VRK2: variants seen among roughly 807,000 people sequenced by gnomAD.
The protein encoded by VRK2 is VRK serine/threonine kinase 2.
In VRK2, 60 loss-of-function variants were observed where a neutral mutation model predicts 57.6. That is an observed-to-expected ratio of 1.04 (90% CI 0.85 to 1.29). The LOEUF is 1.29. Ranked by LOEUF, VRK2 falls within the 50% of genes most tolerant of loss-of-function variation. The pLI is 0.00. For synonymous variants in VRK2, 231 were observed against 199.2 expected, an observed-to-expected ratio of 1.16 and a Z score of -1.35; for missense variants, 705 against 588.1, an observed-to-expected ratio of 1.20 and a Z score of -2.06.
intron 1 of VRK2, among the ~76,000 whole-genome samples, chr2:57,973,374 TG>T: frequency 6.6e-6 from 1 of 151,920 alleles, no homozygotes; most frequent in Non-Finnish European, 1.5e-5. Context: ...TAAACAAGAG[TG>T]TTGACTAATA....
At chr2:58,042,405 T>C (rs551160266), upstream of VRK2, among the ~76,000 whole-genome samples, 2 of 152,260 alleles carry the variant, frequency 1.3e-5, no homozygotes, top group South Asian at 2.1e-4. Context: ...TTAGAGATTG[T>C]AAGTTTATGA....
chr2:58,009,211 A>G (rs1326670521), intron 1 of VRK2, among the ~76,000 whole-genome samples: 1 of 152,138 alleles, frequency 6.6e-6, no homozygotes, highest in African/African-American at 2.4e-5. Context: ...TCTTGTACTG[A>G]AAAAACAAAT....
chr2:58,122,249 C>G lies in VRK2; in HGVS notation c.544-852C>G, dbSNP rs555471120. The stretch of plus-strand genomic sequence containing the variant: ...AAGGAGACTCATAACATTAGGTTTA[C>G]AGTTGACCTATGACAATGCCAGGGT... On this transcript the variant is annotated intron_variant, in intron 7 of 12. Transcript: ENST00000340157. 3.9e-5 allele frequency among the ~76,000 whole-genome samples: 6 copies of G among 152,286 alleles called. No individual in the cohort carries two copies. In the East Asian group the frequency reaches 1.2e-3, roughly 29 times the overall value.
At chr2:58,016,292 A>G (rs528204446) in intron 1 of VRK2, among the ~76,000 whole-genome samples, 21 of 152,238 alleles carry the variant, frequency 1.4e-4, no homozygotes, top group Non-Finnish European at 2.5e-4. Context: ...TAGTGTTTTA[A>G]TTATACACTC....
At position 58,049,396 on chromosome 2, in the gene VRK2, T is replaced by G. The variant is rs754736325; in HGVS notation, c.136+429T>G. Among the ~76,000 whole-genome samples, 5 of 152,296 alleles carry G rather than the reference T, an allele frequency of 3.3e-5. No homozygotes were observed. In the South Asian group the frequency reaches 1.0e-3, roughly 32 times the overall value. ...TGGGCTCTACTGGAGAATTCATAGA[T>G]AAAACTTAAGGCATCTATTCTGTGA... On this transcript the variant is annotated intron_variant, in intron 2 of 12. Coordinates refer to ENST00000340157, the MANE Select transcript of VRK2 (RefSeq NM_006296.7).
chr2:57,989,468 T>C (rs1393572402), intron 1 of VRK2, among the ~76,000 whole-genome samples: 2 of 152,186 alleles, frequency 1.3e-5, no homozygotes, highest in Non-Finnish European at 2.9e-5. Flanking sequence ...AATGTTTGCC[T>C]TAATTTTGTC....
chr2:58,027,426 T>G (rs1049150810), intron 2 of VRK2, among the ~76,000 whole-genome samples: 3 of 152,068 alleles, frequency 2.0e-5, no homozygotes, highest in African/African-American at 7.2e-5. Context: ...AACCTCTAAA[T>G]TGAATGAATA....
At position 58,098,241 on chromosome 2, in the gene VRK2, T is replaced by A. The variant is rs559866437; in HGVS notation, c.543+8518T>A. On this transcript the variant is annotated intron_variant, in intron 7 of 12. Transcript: ENST00000340157. ...TTATGACAAAAGAGTCAAAAAGTTT[T>A]AAAAAAATAAATAGTTTATAAAGTA... 8.5e-5 allele frequency among the ~76,000 whole-genome samples: 13 copies of A among 152,200 alleles called. No homozygotes were observed. The East Asian group carries it at 2.5e-3, about 29-fold the overall frequency.
In VRK2 at chr2:58,022,865, AC is replaced by A. The variant is rs534059256; in HGVS notation, c.-438-2797del. ...ACTTCTGCCTGGGCAACAGAGCAAGACCCTGACTCAAAAAAGAAAAAAATAT... is the reference window on the plus strand; with the variant it reads ...ACTTCTGCCTGGGCAACAGAGCAAGACCTGACTCAAAAAAGAAAAAAATAT... On this transcript the variant is annotated intron_variant, in intron 1 of 15. Coordinates refer to the VRK2 transcript ENST00000417641. Among the ~76,000 whole-genome samples the A allele has an allele frequency of 5.5e-3, 843 of 152,292 alleles. 4 individuals are homozygous for A. Among genetic ancestry groups the A allele is most frequent in the Non-Finnish European group, 8.5e-3 (579 of 68,020 alleles).
chr2:58,033,422 G>C (rs1343904269), exon 3 of VRK2: 3 of 151,932 alleles, frequency 2.0e-5, no homozygotes, highest in Admixed American at 6.6e-5. Context: ...ATGGAAGATG[G>C]GGACACAAGT....
At chr2:57,956,125 G>C (rs1671579348) in intron 1 of VRK2, among the ~76,000 whole-genome samples, 1 of 152,174 alleles carries the variant, frequency 6.6e-6, no homozygotes, top group Non-Finnish European at 1.5e-5. Flanking sequence ...AGGTGAGGTG[G>C]CTAATGCCGC....
At chr2:58,123,351 A>G in intron 8 of VRK2, 118 bp downstream of exon 8, 1 of 1,262,700 alleles carries the variant, frequency 7.9e-7, no homozygotes, top group Non-Finnish European at 1.1e-6. Context: ...AGCACTGGTG[A>G]GGTTTTTATC....
chr2:58,002,742 T>C (rs1673128539), intron 1 of VRK2, among the ~76,000 whole-genome samples: 1 of 152,192 alleles, frequency 6.6e-6, no homozygotes, highest in Non-Finnish European at 1.5e-5. Context: ...GTTGATGCTA[T>C]CTTCAACAGG....
At chr2:58,146,221 A>C (rs1682100608) in intron 11 of VRK2, 95 bp from the exon 12 acceptor site, 1 of 1,105,640 alleles carries the variant, frequency 9.0e-7, no homozygotes, top group Non-Finnish European at 1.2e-6. Context: ...AAAGCTTGGC[A>C]AGTTTAGAGC....
At chr2:57,998,158 G>A (rs1482081746) in intron 1 of VRK2, among the ~76,000 whole-genome samples, 1 of 152,096 alleles carries the variant, frequency 6.6e-6, no homozygotes, top group East Asian at 1.9e-4. Flanking sequence ...GAGCGGAACT[G>A]TTGCTTTTTA....
intron 8 of VRK2, among the ~76,000 whole-genome samples, chr2:58,130,878 A>G (rs569660440): frequency 6.6e-6 from 1 of 152,272 alleles, no homozygotes; most frequent in East Asian, 1.9e-4. Flanking sequence ...ATGTTTTAAT[A>G]ATTATTTCAG....
At chr2:58,084,338 T>C (rs929145764) in intron 3 of VRK2, among the ~76,000 whole-genome samples, 200 bp downstream of exon 3, 3 of 151,860 alleles carry the variant, frequency 2.0e-5, no homozygotes, top group African/African-American at 7.2e-5. Flanking sequence ...TGGTGTGTTA[T>C]CTATCTAGCT....
At chr2:58,064,029 A>G (rs1668272655) in intron 2 of VRK2, among the ~76,000 whole-genome samples, 1 of 152,108 alleles carries the variant, frequency 6.6e-6, no homozygotes, top group Non-Finnish European at 1.5e-5. Context: ...TGAAGATGTG[A>G]CTGAACTGCT....
At chr2:58,020,344 T>G (rs1418474945) in intron 1 of VRK2, among the ~76,000 whole-genome samples, 3 of 152,200 alleles carry the variant, frequency 2.0e-5, no homozygotes, top group African/African-American at 7.2e-5. Flanking sequence ...TAACTCTGAC[T>G]ACAGGTGTGT....
Sources: allele counts gnomAD v4.1 joint callset (sites outside exome capture counted in the v4.1 genomes callset), GRCh38; gene constraint gnomAD v4.1.1; transcripts MANE v1.5; gene names NCBI Gene and HGNC (gene_info 2026-07-23, HGNC 2026-07-21).